SYTL2: variants seen among roughly 807,000 people sequenced by gnomAD.
The protein encoded by SYTL2 is synaptotagmin-like protein 2.
SYTL2 carries 165 observed loss-of-function variants against 198.7 expected under a neutral mutation model. The ratio of observed to expected loss-of-function variants is 0.83; its 90% confidence interval spans 0.73 to 0.94. SYTL2 has a LOEUF of 0.94. Ranked by LOEUF, SYTL2 falls within the 40% of genes least tolerant of loss-of-function variation. SYTL2 has a pLI of 0.00. For missense variants in SYTL2, 2,835 were observed against 2,582.8 expected (o/e 1.10, Z -2.12); for synonymous variants, 966 against 917.7 (o/e 1.05, Z -0.95).
chr11:85,697,862 A>G, intron 18 of SYTL2, 117 bp downstream of exon 18: 1 of 635,824 alleles, frequency 1.6e-6, no homozygotes, highest in South Asian at 2.1e-5. Context: ...CCATTATCCC[A>G]AGTAAATTCA....
intron 7 of SYTL2, among the ~76,000 whole-genome samples, chr11:85,728,701 C>T (rs780468309): frequency 2.1e-4 from 32 of 152,170 alleles, no homozygotes; most frequent in Non-Finnish European, 3.8e-4. Context: ...TGGCACATAT[C>T]ATAAACCCTA....
the SYTL2 span, among the ~76,000 whole-genome samples, chr11:85,818,688 T>TCTATCTATCTATCTACCTAC: frequency 1.3e-5 from 2 of 151,090 alleles, no homozygotes; most frequent in African/African-American, 4.9e-5. Flanking sequence ...TATCTATCTA[T>TCTATCTATCTATCTACCTAC]CTACCTATCT....
chr11:85,853,657 TAAA>T, the SYTL2 span: 14 of 82,694 alleles, frequency 1.7e-4, no homozygotes, highest in East Asian at 1.1e-3. Context: ...GAATGATCAA[TAAA>T]AAAAAAAAAA....
rs2092884870 is a variant in SYTL2, at chr11:85,801,412, A to C, written c.-390+9542T>G. Among the ~76,000 whole-genome samples the C allele has an allele frequency of 2.6e-5, 4 of 152,358 alleles. No individual in the cohort carries two copies. In the South Asian group the frequency reaches 8.3e-4, roughly 32 times the overall value. On this transcript the variant is annotated intron_variant, in intron 1 of 19. Transcript: ENST00000359152. ...TATATTTTTGGAACAATTTGGCTCC[A>C]ATGTGATCCAGTCCATAAATTAGCA...
At chr11:85,818,330 TATAA>T in the SYTL2 span, among the ~76,000 whole-genome samples, 1 of 152,230 alleles carries the variant, frequency 6.6e-6, no homozygotes, top group Non-Finnish European at 1.5e-5. Flanking sequence ...TATTTCATAT[TATAA>T]ATACTTATTG....
chr11:85,795,855 A>G (rs2092796477), intron 1 of SYTL2, among the ~76,000 whole-genome samples: 1 of 151,944 alleles, frequency 6.6e-6, no homozygotes, highest in Non-Finnish European at 1.5e-5. Context: ...ACCAAACTGC[A>G]AATAGTGCTG....
At chr11:85,784,221 T>G (rs2092603321) in intron 1 of SYTL2, among the ~76,000 whole-genome samples, 1 of 152,194 alleles carries the variant, frequency 6.6e-6, no homozygotes, top group Admixed American at 6.5e-5. Flanking sequence ...ATTCAGTGAA[T>G]TCAGCTGAGA....
At position 85,733,930 on chromosome 11, in the gene SYTL2, C is replaced by T. The variant is rs1408227553; in HGVS notation, c.1390+9G>A. The T allele has an allele frequency of 1.2e-6, 2 of 1,612,458 alleles. No individual in the cohort carries two copies. Among genetic ancestry groups the T allele is most frequent in the Non-Finnish European group, 8.5e-7 (1 of 1,178,894 alleles). On this transcript the variant is annotated intron_variant, in intron 7 of 19. Transcript: ENST00000359152. ...AGTTTTTATAATCTAGTAGTGACAACTCTCTTACCAGCAGGGCTTCTGGGT... is the reference window on the plus strand; with the variant it reads ...AGTTTTTATAATCTAGTAGTGACAATTCTCTTACCAGCAGGGCTTCTGGGT...
rs962632012 is a variant in SYTL2, at chr11:85,736,621, G to T, written c.472-6C>A. On this transcript the variant is annotated splice_region_variant and splice_polypyrimidine_tract_variant and intron_variant, in intron 5 of 19. Transcript: ENST00000359152. ...TTAAACGGATTCTTCCTCTGCTGGG[G>T]ACAAATATTGTTTATTAAACTTATT... 2 of 1,438,690 alleles carry T rather than the reference G, an allele frequency of 1.4e-6. No homozygotes were observed. The allele number at this position is 1,438,690 out of a possible 1,614,324, so 89.1% of individuals were successfully genotyped here. A position where few individuals can be genotyped will look rare whatever the true frequency, so the allele number is the denominator to read the frequency against.
At chr11:85,705,493 T>C (rs915006170) in intron 15 of SYTL2, among the ~76,000 whole-genome samples, 11 of 152,176 alleles carry the variant, frequency 7.2e-5, no homozygotes, top group African/African-American at 1.2e-4. Flanking sequence ...ATATGCCATG[T>C]ATGCTGCCAC....
chr11:85,775,423 C>G (rs1337272954), intron 1 of SYTL2, among the ~76,000 whole-genome samples: 1 of 152,206 alleles, frequency 6.6e-6, no homozygotes, highest in African/African-American at 2.4e-5. Flanking sequence ...GTACTCTTCA[C>G]AACCCTTCTT....
intron 12 of SYTL2, among the ~76,000 whole-genome samples, chr11:85,712,977 C>T (rs1186160941): frequency 6.6e-6 from 1 of 152,078 alleles, no homozygotes; most frequent in East Asian, 1.9e-4. Context: ...TCTCAGTTTC[C>T]CAAAGTGCCA....
At chr11:85,763,237 C>T (rs149579819) in intron 1 of SYTL2, among the ~76,000 whole-genome samples, 19 of 152,250 alleles carry the variant, frequency 1.2e-4, no homozygotes, top group African/African-American at 3.9e-4. Flanking sequence ...TAAGGAGCAG[C>T]GGTAGAAATA....
chr11:85,701,628 G>T (rs1278864642), intron 16 of SYTL2, among the ~76,000 whole-genome samples: 3 of 152,198 alleles, frequency 2.0e-5, no homozygotes, highest in Non-Finnish European at 4.4e-5. Flanking sequence ...GGTAGGGCTA[G>T]AAATAAGTGC....
chr11:85,695,199 T>C lies in SYTL2; in HGVS notation c.6716A>G (p.Lys2239Arg), dbSNP rs2083241615. 1 of 1,610,698 alleles carries C rather than the reference T, an allele frequency of 6.2e-7. No individual in the cohort carries two copies. The highest frequency in any genetic ancestry group is 8.5e-7 in the Non-Finnish European group (1 of 1,178,036). Reference sequence around the variant, plus strand: ...AGGAGCCAGTGGAATTTGGGCTCATTTGGAAATCTTGGCAATCAAAAGCAT... The same window carrying C: ...AGGAGCCAGTGGAATTTGGGCTCATCTGGAAATCTTGGCAATCAAAAGCAT... ...LRMLLIAKIS[K>R] Residue 2239 changes from lysine (K) to arginine (R), a missense_variant, in exon 20 of 20, where the codon AAA becomes AGA. By Grantham distance (26) the Lys-to-Arg change is conservative. This residue lies in a region of SYTL2 where 185 missense variants were observed against 182.1 expected (regional missense o/e 1.02). Transcript: ENST00000359152.
intron 1 of SYTL2, among the ~76,000 whole-genome samples, chr11:85,804,425 C>T (rs2092930938): frequency 6.6e-6 from 1 of 152,156 alleles, no homozygotes; most frequent in Non-Finnish European, 1.5e-5. Flanking sequence ...TGGAGTCAAA[C>T]TGCCTGGATT....
chr11:85,787,689 TTTTTTC>T (rs1446885277), intron 1 of SYTL2, among the ~76,000 whole-genome samples: 2 of 125,704 alleles, frequency 1.6e-5, no homozygotes, highest in East Asian at 2.3e-4. Context: ...TTTTCTGTTT[TTTTTTC>T]TTTTCCTTTT....
In SYTL2 at chr11:85,726,418, A is replaced by G; in HGVS notation, c.2940T>C (p.Ser980=). 6.2e-7 allele frequency: 1 copy of G among 1,613,326 alleles called. No individual in the cohort carries two copies. The change falls in exon 8 of 20, where the codon TCT becomes TCC. Residue 980 remains serine, a synonymous_variant. Transcript: ENST00000359152. ...AAAACTTTCTCAAATTCTCAAACTG[A>G]GAGGGATTATAGACCTGTTCTGCAT... ...EPNAEQVYNP[S]QFENLRKFWD...
At chr11:85,833,597 CCACAAATCTGTGTAGCATAAGAAAACCT>C in the SYTL2 span, among the ~76,000 whole-genome samples, 1 of 151,720 alleles carries the variant, frequency 6.6e-6, no homozygotes, top group Non-Finnish European at 1.5e-5. Flanking sequence ...GAACCAGAAT[CCACAAATCTGTGTAGCATAAGAAAACCT>C]CACACATAAA....
Sources: gnomAD v4.1 joint callset for allele counts (sites outside exome capture counted in the v4.1 genomes callset) on GRCh38, gnomAD v4.1.1 for gene constraint, gnomAD v4.1.1 regional missense constraint, MANE v1.5 for transcripts, NCBI Gene and HGNC (gene_info 2026-07-23, HGNC 2026-07-21) for gene names.